ZBTB44: variants seen among roughly 807,000 people sequenced by gnomAD.
The protein encoded by ZBTB44 is zinc finger and BTB domain-containing protein 44.
In ZBTB44, 15 loss-of-function variants were observed where a neutral mutation model predicts 54.0. The ratio of observed to expected loss-of-function variants is 0.28; its 90% confidence interval spans 0.19 to 0.43. ZBTB44 has a LOEUF of 0.43. Among genes scored for constraint, ZBTB44 ranks in the 20% least tolerant of loss-of-function variants. The pLI, the probability that ZBTB44 is intolerant of heterozygous loss-of-function variation, is 1.00. For missense variants in ZBTB44, 487 were observed against 707.1 expected, an observed-to-expected ratio of 0.69 and a Z score of 3.53; for synonymous variants, 230 against 250.1, an observed-to-expected ratio of 0.92 and a Z score of 0.76.
chr11:130,264,311 G>A (rs1213026972), intron 1 of ZBTB44, among the ~76,000 whole-genome samples: 1 of 152,054 alleles, frequency 6.6e-6, no homozygotes, highest in Non-Finnish European at 1.5e-5. Flanking sequence ...ACCACAGCCA[G>A]CAAATGAAGA....
At chr11:130,232,680 C>G (rs927137756) in intron 7 of ZBTB44, 1 of 152,090 alleles carries the variant, frequency 6.6e-6, no homozygotes, top group Non-Finnish European at 1.5e-5. Flanking sequence ...GACAATGTAT[C>G]GCTGTCATAT....
chr11:130,286,120 T>C (rs530426808), intron 1 of ZBTB44, among the ~76,000 whole-genome samples: 2 of 152,340 alleles, frequency 1.3e-5, no homozygotes, highest in South Asian at 2.1e-4. Context: ...AGTCAATTCC[T>C]TTCTAAATTA....
At chr11:130,307,403 C>A (rs1942333569) in intron 1 of ZBTB44, among the ~76,000 whole-genome samples, 2 of 142,114 alleles carry the variant, frequency 1.4e-5, no homozygotes, top group Admixed American at 7.3e-5. Context: ...CCAGCCTGGG[C>A]AACACAGCAA....
intron 4 of ZBTB44, among the ~76,000 whole-genome samples, chr11:130,237,805 C>T (rs1486405439): frequency 6.6e-6 from 1 of 152,178 alleles, no homozygotes; most frequent in Admixed American, 6.5e-5. Flanking sequence ...GATAGTAACT[C>T]ACGCAGCTGA....
At chr11:130,291,137 TG>T (rs751659448) in intron 1 of ZBTB44, among the ~76,000 whole-genome samples, 13 of 152,058 alleles carry the variant, frequency 8.5e-5, no homozygotes, top group African/African-American at 1.2e-4. Context: ...AAGCCTTTGT[TG>T]TTTTTTTTTT....
At chr11:130,274,618 T>C (rs1939923390) in intron 1 of ZBTB44, among the ~76,000 whole-genome samples, 1 of 152,236 alleles carries the variant, frequency 6.6e-6, no homozygotes, top group East Asian at 1.9e-4. Flanking sequence ...GATATAATCA[T>C]GTAATTTAAA....
intron 1 of ZBTB44, among the ~76,000 whole-genome samples, chr11:130,273,652 A>C (rs1207256970): frequency 6.6e-6 from 1 of 152,198 alleles, no homozygotes; most frequent in African/African-American, 2.4e-5. Flanking sequence ...GTGTATAATA[A>C]GACAACTCAT....
chr11:130,242,309 C>T (rs1427068755), intron 2 of ZBTB44, among the ~76,000 whole-genome samples: 1 of 152,312 alleles, frequency 6.6e-6, no homozygotes, highest in East Asian at 1.9e-4. Flanking sequence ...CCATTTCCCA[C>T]CACTTCCATC....
chr11:130,241,908 G>A lies in ZBTB44; in HGVS notation c.1019-2012C>T, dbSNP rs535076443. Among the ~76,000 whole-genome samples, 117 of 152,266 alleles carry A rather than the reference G, an allele frequency of 7.7e-4. No individual in the cohort carries two copies. The Middle Eastern group carries it at 0.01, about 13-fold the overall frequency. ...CAGTGCCTCCTGTGTTGTATGTCAT[G>A]TATAAATACATAGGTCTGTTTTCGG... On this transcript the variant is annotated intron_variant, in intron 2 of 7. Transcript: ENST00000357899.
In ZBTB44 at chr11:130,261,910, G is replaced by A. The variant is rs372373673; in HGVS notation, c.-37C>T. On this transcript the variant is annotated 5_prime_UTR_variant, in exon 2 of 8. Coordinates refer to ENST00000357899, the MANE Select transcript of ZBTB44 (RefSeq NM_001301098.2). This position sits in a 1 kb window ranked among gnomAD's most constrained non-coding sequence, Gnocchi z 4.8. ...TCTTCTACAGATGCTCTTCAAGGAT[G>A]CAAATAAATCAGAAATGTCCTAAAA... 8.0e-5 allele frequency: 122 copies of A among 1,534,010 alleles called. No homozygotes were observed. In the African/African-American group the frequency reaches 1.5e-3, roughly 19 times the overall value.
chr11:130,291,514 G>A (rs2134363340), intron 1 of ZBTB44, among the ~76,000 whole-genome samples: 1 of 152,264 alleles, frequency 6.6e-6, no homozygotes, highest in Middle Eastern at 3.4e-3. Flanking sequence ...TGAAACTAAA[G>A]ATGAGAAAAA....
chr11:130,291,786 TA>T, intron 1 of ZBTB44, among the ~76,000 whole-genome samples: 1 of 152,364 alleles, frequency 6.6e-6, no homozygotes, highest in Middle Eastern at 3.4e-3. Flanking sequence ...ATAGGTTCTT[TA>T]AAAATCACTT....
chr11:130,241,898 TG>T (rs1436954363), intron 2 of ZBTB44, among the ~76,000 whole-genome samples: 1 of 152,198 alleles, frequency 6.6e-6, no homozygotes, highest in African/African-American at 2.4e-5. Flanking sequence ...CCTCCTGTGT[TG>T]TATGTCATGT....
chr11:130,249,818 C>T (rs192992330), intron 2 of ZBTB44, among the ~76,000 whole-genome samples: 116 of 152,298 alleles, frequency 7.6e-4, no homozygotes, highest in Non-Finnish European at 1.1e-3. Context: ...GTTTCAAGCA[C>T]AAAACTGGGC....
chr11:130,238,588 G>A lies in ZBTB44; in HGVS notation c.1123C>T (p.Pro375Ser), dbSNP rs1195661691. 1 of 1,610,006 alleles carries A rather than the reference G, an allele frequency of 6.2e-7. No homozygotes were observed. Among genetic ancestry groups the A allele is most frequent in the Admixed American group, 1.7e-5 (1 of 59,094 alleles). ...DDDRLENVQYPYQLYIAPSTS... is the reference protein window; with the variant it reads ...DDDRLENVQYSYQLYIAPSTS... ...GAAGGAGCAATGTAGAGTTGGTAGG[G>A]ATACTGAACATTTTCCAATCTAAAA... The change falls in exon 4 of 8, where the codon CCC (proline) becomes TCC (serine). Residue 375 changes from proline to serine, a missense_variant. By Grantham distance (74) the Pro-to-Ser change is moderately conservative. Around this residue, in one of 3 missense-constraint regions of ZBTB44, gnomAD observed 277 missense variants for 306.5 expected, o/e 0.90. Transcript: ENST00000357899.
chr11:130,258,226 A>T (rs1208789145), intron 2 of ZBTB44, among the ~76,000 whole-genome samples: 1 of 152,220 alleles, frequency 6.6e-6, no homozygotes, highest in Non-Finnish European at 1.5e-5. Flanking sequence ...GAATCAATGG[A>T]ATATAATAAA....
In ZBTB44 at chr11:130,261,893, A is replaced by G. The variant is rs756772378; in HGVS notation, c.-20T>C. On this transcript the variant is annotated 5_prime_UTR_variant, in exon 2 of 8. Transcript: ENST00000357899. The surrounding 1 kb of genome is among the most constrained non-coding windows in gnomAD (Gnocchi z 4.8). ...ACCCATCTTTTACTTCCTCTTCTAC[A>G]GATGCTCTTCAAGGATGCAAATAAA... is the stretch of plus-strand genomic sequence containing the variant. 2 of 1,582,116 alleles carry G rather than the reference A, an allele frequency of 1.3e-6. No homozygotes were observed. The highest frequency in any genetic ancestry group is 1.7e-6 in the Non-Finnish European group (2 of 1,163,280).
intron 2 of ZBTB44, among the ~76,000 whole-genome samples, chr11:130,256,389 A>G (rs1171811640): frequency 6.6e-6 from 1 of 152,200 alleles, no homozygotes; most frequent in Non-Finnish European, 1.5e-5. Flanking sequence ...ATAAAATTCA[A>G]CACCCTGGCT....
At chr11:130,278,793 T>C (rs965321847) in intron 1 of ZBTB44, among the ~76,000 whole-genome samples, 2 of 152,220 alleles carry the variant, frequency 1.3e-5, no homozygotes, top group African/African-American at 4.8e-5. Flanking sequence ...TATATTCTTA[T>C]TGATAGCCTC....
Sources: gnomAD v4.1 joint callset for allele counts (sites outside exome capture counted in the v4.1 genomes callset) on GRCh38, gnomAD v4.1.1 for gene constraint, gnomAD v4.1.1 regional missense constraint, Gnocchi (gnomAD v3.1) non-coding constraint, MANE v1.5 for transcripts, NCBI Gene and HGNC (gene_info 2026-07-23, HGNC 2026-07-21) for gene names.